FBXL17: variants seen among roughly 807,000 people sequenced by gnomAD.
The protein encoded by FBXL17 is F-box and leucine rich repeat protein 17, also known as F-box/LRR-repeat protein 17.
Under a neutral mutation model 66.2 loss-of-function variants are expected in FBXL17, and 22 were observed. That is an observed-to-expected ratio of 0.33 (90% CI 0.24 to 0.47). FBXL17 has a LOEUF of 0.47. Ranked by LOEUF, FBXL17 falls within the 20% of genes least tolerant of loss-of-function variation. The probability of loss-of-function intolerance (pLI) is 1.00; values close to 1 mark genes in which losing one functional copy is unlikely to be tolerated. For missense variants in FBXL17, 878 were observed against 948.2 expected, an observed-to-expected ratio of 0.93 and a Z score of 0.97; for synonymous variants, 474 against 400.5, an observed-to-expected ratio of 1.18 and a Z score of -2.19.
chr5:108,302,284 G>C (rs942161839), intron 4 of FBXL17, among the ~76,000 whole-genome samples: 1 of 151,724 alleles, frequency 6.6e-6, no homozygotes, highest in African/African-American at 2.4e-5. Flanking sequence ...TATTGTAACT[G>C]AAGAACAATT....
At chr5:108,229,779 C>G (rs1317949722) in intron 4 of FBXL17, among the ~76,000 whole-genome samples, 1 of 152,104 alleles carries the variant, frequency 6.6e-6, no homozygotes, top group Non-Finnish European at 1.5e-5. Context: ...AATAAACAGA[C>G]AACCCAAACA....
chr5:107,953,518 A>T (rs1327911374), intron 7 of FBXL17, among the ~76,000 whole-genome samples: 1 of 151,986 alleles, frequency 6.6e-6, no homozygotes, highest in South Asian at 2.1e-4. Context: ...AACTCCAGTT[A>T]TGTGCTGCTC....
chr5:107,897,967 A>G (rs1749438117), intron 7 of FBXL17, among the ~76,000 whole-genome samples: 1 of 152,138 alleles, frequency 6.6e-6, no homozygotes, highest in African/African-American at 2.4e-5. Flanking sequence ...CAAGATGAGG[A>G]TCTGATCTTG....
intron 6 of FBXL17, among the ~76,000 whole-genome samples, chr5:108,115,576 G>A (rs1291523052): frequency 6.6e-6 from 1 of 151,586 alleles, no homozygotes; most frequent in Non-Finnish European, 1.5e-5. Context: ...TCAAGCTGCT[G>A]GGGGAAAGGA....
chr5:108,349,227 T>C lies in FBXL17; in HGVS notation c.1375-697A>G, dbSNP rs142084642. On this transcript the variant is annotated intron_variant, in intron 3 of 8. Coordinates refer to ENST00000542267, the MANE Select transcript of FBXL17 (RefSeq NM_001163315.3). ...GGAAGAAACATTTGACAAAAATGTA[T>C]GTAAGTTTTTATAGTATAATCCAAT... 4.1e-3 allele frequency among the ~76,000 whole-genome samples: 627 copies of C among 152,334 alleles called. 8 individuals are homozygous for C. Among genetic ancestry groups the C allele is most frequent in the African/African-American group, 0.014 (591 of 41,570 alleles).
At chr5:108,120,862 G>A (rs1017162707) in intron 6 of FBXL17, among the ~76,000 whole-genome samples, 2 of 152,146 alleles carry the variant, frequency 1.3e-5, no homozygotes, top group Admixed American at 1.3e-4. Context: ...GTGCCTGGAA[G>A]CACTCAAATA....
At chr5:107,920,773 G>T (rs1298611649) in intron 7 of FBXL17, among the ~76,000 whole-genome samples, 1 of 152,100 alleles carries the variant, frequency 6.6e-6, no homozygotes, top group African/African-American at 2.4e-5. Flanking sequence ...ACCTAATCCT[G>T]CAATAAACCT....
At chr5:107,924,341 G>C (rs1166866332) in intron 7 of FBXL17, among the ~76,000 whole-genome samples, 6 of 152,058 alleles carry the variant, frequency 3.9e-5, no homozygotes, top group African/African-American at 1.4e-4. Flanking sequence ...TCATGGCAGA[G>C]AGCCATATAC....
rs143956700 is a variant in FBXL17, at chr5:108,030,848, T to G, written c.1746-9847A>C. On this transcript the variant is annotated intron_variant, in intron 6 of 8. Coordinates refer to ENST00000542267, the MANE Select transcript of FBXL17 (RefSeq NM_001163315.3). Reference sequence around the variant, plus strand: ...GGTAAATGTGCCTGGAATCAGTTGGTCAGTTTTGTGCTTCTATAGGTCGTG... The same window carrying G: ...GGTAAATGTGCCTGGAATCAGTTGGGCAGTTTTGTGCTTCTATAGGTCGTG... 3.3e-3 allele frequency among the ~76,000 whole-genome samples: 501 copies of G among 152,266 alleles called. 2 individuals are homozygous for G. Among genetic ancestry groups the G allele is most frequent in the African/African-American group, 0.011 (467 of 41,568 alleles).
intron 7 of FBXL17, among the ~76,000 whole-genome samples, chr5:107,904,655 A>G (rs1206376784): frequency 2.0e-5 from 3 of 152,132 alleles, no homozygotes; most frequent in Non-Finnish European, 4.4e-5. Flanking sequence ...CAGGTAAGTA[A>G]TATCCACTGA....
chr5:108,236,117 A>C (rs1220132589), intron 4 of FBXL17, among the ~76,000 whole-genome samples: 2 of 152,218 alleles, frequency 1.3e-5, no homozygotes, highest in Non-Finnish European at 2.9e-5. Flanking sequence ...ATGCTGAGGC[A>C]GTAGAATCAC....
chr5:108,152,510 C>T (rs1009978265), intron 6 of FBXL17, among the ~76,000 whole-genome samples: 4 of 152,112 alleles, frequency 2.6e-5, no homozygotes, highest in Admixed American at 6.5e-5. Flanking sequence ...ATTTTTGCCT[C>T]GGGCTCTAGT....
chr5:108,262,449 T>TA (rs1756877844), intron 4 of FBXL17, among the ~76,000 whole-genome samples: 1 of 152,026 alleles, frequency 6.6e-6, no homozygotes, highest in South Asian at 2.1e-4. Flanking sequence ...TCAAAAGAAA[T>TA]AGAGACCTTG....
chr5:108,235,351 C>G (rs1408086589), intron 4 of FBXL17, among the ~76,000 whole-genome samples: 1 of 152,156 alleles, frequency 6.6e-6, no homozygotes, highest in Non-Finnish European at 1.5e-5. Flanking sequence ...GACTAAATCT[C>G]GTAACAATGG....
At chr5:108,055,718 T>A (rs1747683635) in intron 6 of FBXL17, among the ~76,000 whole-genome samples, 1 of 151,886 alleles carries the variant, frequency 6.6e-6, no homozygotes, top group Admixed American at 6.6e-5. Context: ...AATGAATTTT[T>A]AAAATTTAGA....
rs1447389641 is a variant in FBXL17, at chr5:108,285,058, A to G, written c.1507-60830T>C. Reference sequence around the variant, plus strand: ...TTCTAAATCCTTTGTTGTCATTTCAACAATATTCACAGCATCTTCACCGGT... The same window carrying G: ...TTCTAAATCCTTTGTTGTCATTTCAGCAATATTCACAGCATCTTCACCGGT... On this transcript the variant is annotated intron_variant, in intron 4 of 8. Coordinates refer to ENST00000542267, the MANE Select transcript of FBXL17 (RefSeq NM_001163315.3). Among the ~76,000 whole-genome samples the G allele has an allele frequency of 2.6e-5, 4 of 151,942 alleles. No homozygotes were observed. In the East Asian group the frequency reaches 7.7e-4, roughly 29 times the overall value.
intron 7 of FBXL17, among the ~76,000 whole-genome samples, chr5:107,997,176 T>C (rs1753508034): frequency 1.3e-5 from 2 of 152,178 alleles, no homozygotes; most frequent in Non-Finnish European, 2.9e-5. Flanking sequence ...TTTTAAATCC[T>C]GTTTCTACTG....
At chr5:108,008,733 A>G (rs1561364714) in intron 7 of FBXL17, among the ~76,000 whole-genome samples, 2 of 152,132 alleles carry the variant, frequency 1.3e-5, no homozygotes, top group African/African-American at 4.8e-5. Flanking sequence ...TGCTCCCTAT[A>G]CAAGTGCCTG....
chr5:107,969,075 A>G (rs1752262057), intron 7 of FBXL17, among the ~76,000 whole-genome samples: 1 of 152,148 alleles, frequency 6.6e-6, no homozygotes, highest in South Asian at 2.1e-4. Context: ...AGCCATGTTC[A>G]TCACTTATAT....
Sources: gnomAD v4.1 joint callset for allele counts (sites outside exome capture counted in the v4.1 genomes callset) on GRCh38, gnomAD v4.1.1 for gene constraint, MANE v1.5 for transcripts, NCBI Gene and HGNC (gene_info 2026-07-23, HGNC 2026-07-21) for gene names.